Variants in ATXN10 observed in about 807,000 individuals in gnomAD.
The protein encoded by ATXN10 is ataxin 10, also known as ataxin-10.
ATXN10 carries 28 observed loss-of-function variants against 52.9 expected under a neutral mutation model. The observed-to-expected ratio is 0.53, with a 90% CI of 0.39 to 0.73. ATXN10 has a LOEUF of 0.73. ATXN10 is among the 30% of genes least tolerant of loss of function. ATXN10 has a pLI of 0.00. For missense variants in ATXN10, 565 were observed against 577.0 expected (o/e 0.98, Z 0.21); for synonymous variants, 226 against 221.5 (o/e 1.02, Z -0.18).
chr22:45,790,589 G>GC lies in ATXN10; in HGVS notation c.1174-16370_1174-16369insC, dbSNP rs1927474787. Among the ~76,000 whole-genome samples, 1 of 152,150 alleles carries GC rather than the reference G, an allele frequency of 6.6e-6. No individual in the cohort carries two copies. The highest frequency in any genetic ancestry group is 1.5e-5 in the Non-Finnish European group (1 of 68,024). ...AGATTTCAGTTAGTCTCTGACAGTT[G>GC]GGGGGCTACACATTTGGGAGCAATC... On this transcript the variant is annotated intron_variant, in intron 9 of 11. Transcript: ENST00000252934. This position sits in a 1 kb window ranked among gnomAD's most constrained non-coding sequence, Gnocchi z 4.7.
At chr22:45,745,158 A>G (rs560913875) in intron 9 of ATXN10, among the ~76,000 whole-genome samples, 4 of 152,342 alleles carry the variant, frequency 2.6e-5, no homozygotes, top group African/African-American at 7.2e-5. Flanking sequence ...TGAAGAAAGC[A>G]TTCTTCAGCT....
intron 10 of ATXN10, among the ~76,000 whole-genome samples, chr22:45,822,736 G>A (rs888275439): frequency 2.6e-5 from 4 of 151,830 alleles, no homozygotes; most frequent in Non-Finnish European, 1.5e-5. Flanking sequence ...TGGTCAGGTT[G>A]GTCTTGAACT....
intron 10 of ATXN10, among the ~76,000 whole-genome samples, chr22:45,808,980 CT>C (rs1488442647): frequency 6.6e-6 from 1 of 152,104 alleles, no homozygotes; most frequent in Non-Finnish European, 1.5e-5. Flanking sequence ...TTCAGTAATT[CT>C]TTGGAGTTGT....
chr22:45,689,685 A>AT (rs1923293655), intron 1 of ATXN10, 27 bp from the exon 2 acceptor site: 1 of 1,601,102 alleles, frequency 6.2e-7, no homozygotes. Context: ...TTTTTTTCTG[A>AT]TTCGTGATAA....
chr22:45,709,946 A>G (rs1472797776), intron 5 of ATXN10, among the ~76,000 whole-genome samples: 4 of 152,148 alleles, frequency 2.6e-5, no homozygotes, highest in Non-Finnish European at 4.4e-5. Context: ...CATTAGCCCT[A>G]TCTTCAAAAG....
chr22:45,756,683 G>C (rs897217796), intron 9 of ATXN10, among the ~76,000 whole-genome samples: 8 of 152,158 alleles, frequency 5.3e-5, no homozygotes, highest in Admixed American at 2.6e-4. Context: ...TGGGGGTTGT[G>C]ATTGTCCTTT....
In ATXN10 at chr22:45,786,886, TTTTG is replaced by T. The variant is rs1194232327; in HGVS notation, c.1174-20069_1174-20066del. 6.6e-6 allele frequency among the ~76,000 whole-genome samples: 1 copy of T among 152,194 alleles called. No individual in the cohort carries two copies. Among genetic ancestry groups the T allele is most frequent in the Non-Finnish European group, 1.5e-5 (1 of 68,032 alleles). On this transcript the variant is annotated intron_variant, in intron 9 of 11. Coordinates refer to ENST00000252934, the MANE Select transcript of ATXN10 (RefSeq NM_013236.4). The surrounding 1 kb of genome is among the most constrained non-coding windows in gnomAD (Gnocchi z 4.1). ...TCAAAGACACTCAAAGATGGTTTTG[TTTTG>T]TTTTTGTCCAGTAATTCTTTTCGGA...
At chr22:45,796,036 G>A (rs1927725730) in intron 9 of ATXN10, among the ~76,000 whole-genome samples, 1 of 152,258 alleles carries the variant, frequency 6.6e-6, no homozygotes. Flanking sequence ...GGGCCGGGCA[G>A]AACAGAGTCA....
Position 45,754,828 on chromosome 22 carries a change from C to G in ATXN10, c.1173+14290C>G, listed in dbSNP as rs1926116861. 6.6e-6 allele frequency among the ~76,000 whole-genome samples: 1 copy of G among 152,270 alleles called. No individual in the cohort carries two copies. The highest frequency in any genetic ancestry group is 2.4e-5 in the African/African-American group (1 of 41,478). ...TGAGATCGTGCCACTGCACTCCAGC[C>G]TGGGCAACAGAGTGAGACTCTGTCT... On this transcript the variant is annotated intron_variant, in intron 9 of 11. Transcript: ENST00000252934. This position sits in a 1 kb window ranked among gnomAD's most constrained non-coding sequence, Gnocchi z 5.4.
chr22:45,720,900 C>G (rs552692841), intron 6 of ATXN10, among the ~76,000 whole-genome samples: 2 of 152,242 alleles, frequency 1.3e-5, no homozygotes, highest in Admixed American at 1.3e-4. Flanking sequence ...GGTGAGGGCT[C>G]TCTTGCTGTG....
At chr22:45,753,231 T>C (rs1926050263) in intron 9 of ATXN10, among the ~76,000 whole-genome samples, 1 of 148,108 alleles carries the variant, frequency 6.8e-6, no homozygotes, top group African/African-American at 2.5e-5. Flanking sequence ...TTTTTTTTTC[T>C]GTCTTTTAAC....
In ATXN10 at chr22:45,843,104, A is replaced by G. The variant is rs1427911925; in HGVS notation, c.1351A>G (p.Lys451Glu). 1.9e-6 allele frequency: 3 copies of G among 1,614,180 alleles called. No homozygotes were observed. In the East Asian group the frequency reaches 6.7e-5, roughly 36 times the overall value. The change falls in exon 11 of 12, where the codon AAA becomes GAA. Residue 451 changes from lysine (K) to glutamate (E), a missense_variant. By Grantham distance (56) the Lys-to-Glu change is moderately conservative. Transcript: ENST00000252934. The surrounding 1 kb of genome is among the most constrained non-coding windows in gnomAD (Gnocchi z 4.5). Reference protein sequence around the residue: ...EQGLADASLLKKVGFEVEKKG... With the variant: ...EQGLADASLLEKVGFEVEKKG... ...GGGGCTGGCAGATGCATCCCTACTT[A>G]AAAAAGTGGGTTTTGAAGTTGAAAA...
intron 10 of ATXN10, among the ~76,000 whole-genome samples, chr22:45,811,279 CTAATAT>C (rs1478282985): frequency 6.6e-6 from 1 of 152,014 alleles, no homozygotes; most frequent in Non-Finnish European, 1.5e-5. Flanking sequence ...GATTTTCTGC[CTAATAT>C]TAATATAGCT....
chr22:45,752,578 T>TGGGGCC (rs1926020724), intron 9 of ATXN10, among the ~76,000 whole-genome samples: 1 of 34,684 alleles, frequency 2.9e-5, no homozygotes, highest in Admixed American at 3.3e-4. Context: ...GGGCTGGGGC[T>TGGGGCC]GGGGCTGGGG....
chr22:45,714,926 G>A (rs141507741), intron 5 of ATXN10, among the ~76,000 whole-genome samples: 429 of 152,148 alleles, frequency 2.8e-3, no homozygotes, highest in Non-Finnish European at 4.6e-3. Flanking sequence ...TGGTGGTCCC[G>A]GCAACAGAGC....
chr22:45,805,641 A>G lies in ATXN10; in HGVS notation c.1174-1318A>G, dbSNP rs987444575. 6.6e-6 allele frequency among the ~76,000 whole-genome samples: 1 copy of G among 152,334 alleles called. No individual in the cohort carries two copies. The highest frequency in any genetic ancestry group is 2.1e-4 in the South Asian group (1 of 4,824). ...TGACTCCGTTATAGGAAATGTCCAG[A>G]ATAGGCAAATCCAGAGAGACAGGAA... is the stretch of plus-strand genomic sequence containing the variant. On this transcript the variant is annotated intron_variant, in intron 9 of 11. Coordinates refer to ENST00000252934, the MANE Select transcript of ATXN10 (RefSeq NM_013236.4). The surrounding 1 kb of genome is among the most constrained non-coding windows in gnomAD (Gnocchi z 4.4).
At position 45,845,048 on chromosome 22, in the gene ATXN10, C is replaced by T. The variant is rs1331350630; in HGVS notation, c.*1377C>T. The T allele has an allele frequency of 6.6e-6, 1 of 152,182 alleles. No individual in the cohort carries two copies. The highest frequency in any genetic ancestry group is 1.5e-5 in the Non-Finnish European group (1 of 68,042). The allele number at this position is 152,182 out of a possible 1,614,324, so 9.4% of individuals were successfully genotyped here. On this transcript the variant is annotated 3_prime_UTR_variant, in exon 12 of 12. Coordinates refer to ENST00000252934, the MANE Select transcript of ATXN10 (RefSeq NM_013236.4). The surrounding 1 kb of genome is among the most constrained non-coding windows in gnomAD (Gnocchi z 4.7). ...TATGACTTTCCATCAGTAAAGAAGC[C>T]ATTGCAGAATTTAAAATTACACAAA...
At position 45,805,139 on chromosome 22, in the gene ATXN10, G is replaced by A. The variant is rs1162714746; in HGVS notation, c.1174-1820G>A. On this transcript the variant is annotated intron_variant, in intron 9 of 11. Transcript: ENST00000252934. This position sits in a 1 kb window ranked among gnomAD's most constrained non-coding sequence, Gnocchi z 4.4. ...CAGTATCATTAGTCATCAGAAATGC[G>A]CATCAAAACCACAATGGCATACCAC... Among the ~76,000 whole-genome samples, 2 of 152,114 alleles carry A rather than the reference G, an allele frequency of 1.3e-5. No individual in the cohort carries two copies. The highest frequency in any genetic ancestry group is 2.4e-5 in the African/African-American group (1 of 41,420).
chr22:45,820,303 C>A lies in ATXN10; in HGVS notation c.1237+13281C>A, dbSNP rs902944701. ...TAAGGAAGATGCAAGCTCTGATCACCGTCTAGTTGGAGAAACAGGCCATTG... is the reference window on the plus strand; with the variant it reads ...TAAGGAAGATGCAAGCTCTGATCACAGTCTAGTTGGAGAAACAGGCCATTG... On this transcript the variant is annotated intron_variant, in intron 10 of 11. Coordinates refer to ENST00000252934, the MANE Select transcript of ATXN10 (RefSeq NM_013236.4). This position sits in a 1 kb window ranked among gnomAD's most constrained non-coding sequence, Gnocchi z 4.9. Among the ~76,000 whole-genome samples, 2 of 152,172 alleles carry A rather than the reference C, an allele frequency of 1.3e-5. No homozygotes were observed. The highest frequency in any genetic ancestry group is 2.9e-5 in the Non-Finnish European group (2 of 68,036).
Sources: gnomAD v4.1 joint callset for allele counts (sites outside exome capture counted in the v4.1 genomes callset) on GRCh38, gnomAD v4.1.1 for gene constraint, Gnocchi (gnomAD v3.1) non-coding constraint, MANE v1.5 for transcripts, NCBI Gene and HGNC (gene_info 2026-07-23, HGNC 2026-07-21) for gene names.